Variants in DOCK4 observed in about 807,000 individuals in gnomAD.
DOCK4 encodes the protein dedicator of cytokinesis protein 4.
DOCK4 carries 97 observed loss-of-function variants against 268.1 expected under a neutral mutation model. The observed-to-expected ratio is 0.36, with a 90% CI of 0.31 to 0.43. The LOEUF is 0.43. Ranked by LOEUF, DOCK4 falls within the 20% of genes least tolerant of loss-of-function variation. The pLI is 1.00. For missense variants in DOCK4, 2,145 were observed against 2,455.7 expected (o/e 0.87, Z 2.67); for synonymous variants, 954 against 887.2 (o/e 1.08, Z -1.34).
At chr7:112,200,730 A>AAAAAAT (rs1820845801) in intron 1 of DOCK4, among the ~76,000 whole-genome samples, 2 of 114,692 alleles carry the variant, frequency 1.7e-5, no homozygotes, top group South Asian at 3.1e-4. Context: ...TAAAATAAAA[A>AAAAAAT]AAAAAAAACA....
At chr7:111,799,884 T>C (rs541406093) in intron 30 of DOCK4, among the ~76,000 whole-genome samples, 4 of 152,212 alleles carry the variant, frequency 2.6e-5, no homozygotes, top group Non-Finnish European at 4.4e-5. Context: ...GCCACTCTTG[T>C]GGAAACTGTT....
intron 38 of DOCK4, among the ~76,000 whole-genome samples, chr7:111,766,121 A>G (rs533604930): frequency 1.3e-5 from 2 of 152,354 alleles, no homozygotes; most frequent in Admixed American, 1.3e-4. Flanking sequence ...CAGAGTCAAC[A>G]TGATGGACTG....
intron 36 of DOCK4, among the ~76,000 whole-genome samples, chr7:111,771,307 T>C (rs1460714205): frequency 6.6e-6 from 1 of 152,222 alleles, no homozygotes; most frequent in Non-Finnish European, 1.5e-5. Context: ...GTCCTCATAG[T>C]TGGAGCCCCC....
At chr7:112,133,109 C>T (rs42876) in intron 1 of DOCK4, among the ~76,000 whole-genome samples, 108,563 of 152,010 alleles carry the variant, frequency 0.71, 40,035 homozygotes, top group South Asian at 0.82. Context: ...CATTCCAACC[C>T]AAATCCCAGA....
chr7:112,004,035 TAAGG>T lies in DOCK4; in HGVS notation c.121+9_121+12del, dbSNP rs1472979925. 3 of 1,587,930 alleles carry T rather than the reference TAAGG, an allele frequency of 1.9e-6. No homozygotes were observed. Among genetic ancestry groups the T allele is most frequent in the African/African-American group, 1.3e-5 (1 of 74,508 alleles). Reference sequence around the variant, plus strand: ...AGCCGTATGTTGAGGAGGTTGTTCATAAGGCTACTCACCATCACACTTCTCCAGG... The same window carrying T: ...AGCCGTATGTTGAGGAGGTTGTTCATCTACTCACCATCACACTTCTCCAGG... On this transcript the variant is annotated intron_variant, in intron 2 of 52. Coordinates refer to ENST00000428084, the MANE Select transcript of DOCK4 (RefSeq NM_001363540.2).
At chr7:111,790,695 C>T (rs1323634182) in intron 30 of DOCK4, 90 bp from the exon 31 acceptor site, 32 of 1,347,648 alleles carry the variant, frequency 2.4e-5, no homozygotes, top group Non-Finnish European at 3.0e-5. Context: ...AAAACTATTG[C>T]TAGAAATATA....
chr7:112,026,587 C>G (rs771826497), intron 1 of DOCK4, among the ~76,000 whole-genome samples: 5 of 152,144 alleles, frequency 3.3e-5, no homozygotes, highest in African/African-American at 9.7e-5. Flanking sequence ...AATTCTTCCA[C>G]AAAATTTTAA....
chr7:112,111,032 C>T (rs981253082), intron 1 of DOCK4, among the ~76,000 whole-genome samples: 3 of 152,210 alleles, frequency 2.0e-5, no homozygotes, highest in South Asian at 4.1e-4. Flanking sequence ...ATAAGGCGTG[C>T]GGGTGACCTA....
intron 39 of DOCK4, among the ~76,000 whole-genome samples, chr7:111,763,477 T>C (rs571590006): frequency 7.2e-5 from 11 of 152,386 alleles, no homozygotes; most frequent in South Asian, 2.1e-4. Context: ...TTTATTCTAA[T>C]TGACTTTTTA....
At position 111,755,585 on chromosome 7, in the gene DOCK4, C is replaced by T; in HGVS notation, c.4346G>A (p.Arg1449Lys). The change falls in exon 42 of 53, where the codon AGA becomes AAA. Residue 1449 changes from arginine to lysine, a missense_variant. By Grantham distance (26) the Arg-to-Lys change is conservative. Around this residue, in one of 2 missense-constraint regions of DOCK4, gnomAD observed 1,598 missense variants for 1,986.7 expected, o/e 0.80. Coordinates refer to ENST00000428084, the MANE Select transcript of DOCK4 (RefSeq NM_001363540.2). Reference protein sequence around the residue: ...ENEFKSLWVERTSLYLVQSLP... With the variant: ...ENEFKSLWVEKTSLYLVQSLP... ...ACTCTGCACCAAGTATAATGACGTT[C>T]TCTCCACCCAGAGACTCTACAAAAC... The T allele has an allele frequency of 6.2e-7, 1 of 1,613,934 alleles. No homozygotes were observed.
chr7:111,939,514 CA>C (rs55951068), intron 11 of DOCK4, among the ~76,000 whole-genome samples: 893 of 80,684 alleles, frequency 0.011, 5 homozygotes, highest in African/African-American at 0.025. Context: ...GACTCCTTCT[CA>C]AAAAAAAAAA....
intron 1 of DOCK4, among the ~76,000 whole-genome samples, chr7:112,095,240 G>A (rs1197969949): frequency 7.9e-5 from 12 of 152,074 alleles, no homozygotes; most frequent in Non-Finnish European, 5.9e-5. Context: ...TGAGTTGAGA[G>A]GGCAATGTTA....
chr7:112,168,532 C>A (rs566808800), intron 1 of DOCK4, among the ~76,000 whole-genome samples: 2 of 152,178 alleles, frequency 1.3e-5, no homozygotes, highest in South Asian at 2.1e-4. Flanking sequence ...CATAGGGAGA[C>A]CCCCATCTCT....
chr7:112,134,483 G>A (rs1309954847), intron 1 of DOCK4, among the ~76,000 whole-genome samples: 1 of 152,230 alleles, frequency 6.6e-6, no homozygotes, highest in Non-Finnish European at 1.5e-5. Context: ...ACTTTGGGAG[G>A]CCAAGGCGGG....
chr7:111,977,044 A>G lies in DOCK4; in HGVS notation c.701+88T>C, dbSNP rs1562955075. ...TTGAAGCTGACGGAGTAAAAAATAT[A>G]CAAGATATATATCTTACAGCTTGCC... On this transcript the variant is annotated intron_variant, in intron 8 of 52. Transcript: ENST00000428084. 7.7e-6 allele frequency: 11 copies of G among 1,425,026 alleles called. No individual in the cohort carries two copies. The East Asian group carries it at 1.7e-4, about 23-fold the overall frequency. 88.3% of individuals were successfully genotyped at this position (1,425,026 alleles called of 1,614,324 possible). A position where few individuals can be genotyped will look rare whatever the true frequency, so the allele number is the denominator to read the frequency against.
intron 7 of DOCK4, among the ~76,000 whole-genome samples, chr7:111,980,054 A>G (rs1798493906): frequency 6.6e-6 from 1 of 152,232 alleles, no homozygotes; most frequent in African/African-American, 2.4e-5. Context: ...ATGTGCAGAC[A>G]GATGCAAATC....
At chr7:112,172,104 T>C (rs1402487299) in intron 1 of DOCK4, among the ~76,000 whole-genome samples, 1 of 152,234 alleles carries the variant, frequency 6.6e-6, no homozygotes, top group Non-Finnish European at 1.5e-5. Context: ...CCGAAGTGCT[T>C]GGTTAGGATT....
At chr7:111,891,225 T>C (rs1475708997) in intron 16 of DOCK4, among the ~76,000 whole-genome samples, 1 of 152,008 alleles carries the variant, frequency 6.6e-6, no homozygotes, top group East Asian at 1.9e-4. Flanking sequence ...ATAACACTTG[T>C]CCACTAACAA....
chr7:112,037,781 A>T (rs1032867521), intron 1 of DOCK4, among the ~76,000 whole-genome samples: 2 of 152,168 alleles, frequency 1.3e-5, no homozygotes, highest in Non-Finnish European at 2.9e-5. Flanking sequence ...GAATTACAAG[A>T]TCATTAGATA....
Sources: gnomAD v4.1 joint callset for allele counts (sites outside exome capture counted in the v4.1 genomes callset) on GRCh38, gnomAD v4.1.1 for gene constraint, gnomAD v4.1.1 regional missense constraint, MANE v1.5 for transcripts, NCBI Gene and HGNC (gene_info 2026-07-23, HGNC 2026-07-21) for gene names.